The following TWF1 variants were observed in gnomAD, a reference collection of about 807,000 sequenced individuals.
TWF1 encodes twinfilin actin binding protein 1, also known as twinfilin-1.
In TWF1, 14 loss-of-function variants were observed where a neutral mutation model predicts 47.9. That is an observed-to-expected ratio of 0.29 (90% CI 0.19 to 0.46). The LOEUF (loss-of-function observed/expected upper bound fraction) is 0.46. Ranked by LOEUF, TWF1 falls within the 20% of genes least tolerant of loss-of-function variation. TWF1 has a pLI of 1.00. For missense variants in TWF1, 281 were observed against 409.3 expected, an observed-to-expected ratio of 0.69 and a Z score of 2.70; for synonymous variants, 96 against 139.2, an observed-to-expected ratio of 0.69 and a Z score of 2.18.
At position 43,795,160 on chromosome 12, in the gene TWF1, C is replaced by G. The variant is rs1346343264; in HGVS notation, c.*425G>C. On this transcript the variant is annotated 3_prime_UTR_variant, in exon 9 of 9. Transcript: ENST00000395510. Reference sequence around the variant, plus strand: ...AACTTGCGGCCTTTTCCAAGGCACACTAAGTTTCCAGCTTAGAAAATACTC... The same window carrying G: ...AACTTGCGGCCTTTTCCAAGGCACAGTAAGTTTCCAGCTTAGAAAATACTC... 1 of 154,252 alleles carries G rather than the reference C, an allele frequency of 6.5e-6. No individual in the cohort carries two copies. Among genetic ancestry groups the G allele is most frequent in the African/African-American group, 2.4e-5 (1 of 41,598 alleles). 9.6% of individuals were successfully genotyped at this position (154,252 alleles called of 1,614,324 possible).
At position 43,806,292 on chromosome 12, in the gene TWF1, G is replaced by T; in HGVS notation, c.-47C>A. ...GCTCCGGCGCTGAGTGCAGCCAGCG[G>T]CCCCGGCCGGCGGCCCCAGGAAGTG... On this transcript the variant is annotated 5_prime_UTR_variant, in exon 1 of 9. Transcript: ENST00000395510. The T allele has an allele frequency of 6.9e-7, 1 of 1,442,138 alleles. No individual in the cohort carries two copies. The allele number at this position is 1,442,138 out of a possible 1,614,324, so 89.3% of individuals were successfully genotyped here.
At chr12:43,804,629 A>G (rs980103748) in intron 1 of TWF1, 57 bp from the exon 2 acceptor site, 71 of 1,222,172 alleles carry the variant, frequency 5.8e-5, no homozygotes, top group Non-Finnish European at 7.9e-5. Flanking sequence ...ATACTTTCCT[A>G]TCTATATTGG....
chr12:43,796,203 G>A (rs1942547564), intron 8 of TWF1, among the ~76,000 whole-genome samples: 1 of 152,092 alleles, frequency 6.6e-6, no homozygotes, highest in Admixed American at 6.6e-5. Context: ...AAGAATATAT[G>A]ACAGAGATTA....
Position 43,795,497 on chromosome 12 carries a change from T to C in TWF1, c.*88A>G. 1 of 1,347,906 alleles carries C rather than the reference T, an allele frequency of 7.4e-7. No individual in the cohort carries two copies. Among genetic ancestry groups the C allele is most frequent in the South Asian group, 1.5e-5 (1 of 66,222 alleles). 83.5% of individuals were successfully genotyped at this position (1,347,906 alleles called of 1,614,324 possible). ...CAAAAAGTACAATTTTTTTCCCTAC[T>C]TTATATCAACATGGAATGATTTCAG... On this transcript the variant is annotated 3_prime_UTR_variant, in exon 9 of 9. Coordinates refer to ENST00000395510, the MANE Select transcript of TWF1 (RefSeq NM_002822.5).
chr12:43,805,479 G>A, intron 1 of TWF1: 1 of 451,820 alleles, frequency 2.2e-6, no homozygotes, highest in Non-Finnish European at 4.5e-6. Context: ...AAGTGATCGC[G>A]AGTAACCCGG....
At chr12:43,804,154 A>T (rs1347065330) in intron 2 of TWF1, 3 of 333,070 alleles carry the variant, frequency 9.0e-6, no homozygotes, top group Admixed American at 3.8e-5. Flanking sequence ...ACAAGTAACT[A>T]TTTTTTTTTT....
Position 43,796,981 on chromosome 12 carries a change from T to G in TWF1, c.877A>C (p.Arg293=). The G allele has an allele frequency of 6.2e-7, 1 of 1,607,440 alleles. No homozygotes were observed. The highest frequency in any genetic ancestry group is 8.5e-7 in the Non-Finnish European group (1 of 1,178,602). ...TTTTAAAATAGGTGGGCTACCTTTC[T>G]AATTACATCCATTTGTAGTTGTCTT... ...VERQLQMDVI[R]KIEIDNGDEL... The change falls in exon 8 of 9, where the codon AGA becomes CGA. Residue 293 remains arginine (R), a synonymous_variant. Transcript: ENST00000395510.
intron 1 of TWF1, among the ~76,000 whole-genome samples, chr12:43,805,347 G>C (rs1197818357): frequency 6.6e-6 from 1 of 152,162 alleles, no homozygotes; most frequent in Non-Finnish European, 1.5e-5. Context: ...TTCTGCGTGC[G>C]TGCAGGGGGA....
intron 1 of TWF1, chr12:43,805,708 G>T: frequency 2.1e-6 from 2 of 958,640 alleles, no homozygotes; most frequent in Non-Finnish European, 3.0e-6. Context: ...TTCCTATTTG[G>T]AGAGAAAATG....
At chr12:43,796,277 C>CT (rs1565698610) in intron 8 of TWF1, among the ~76,000 whole-genome samples, 1 of 152,078 alleles carries the variant, frequency 6.6e-6, no homozygotes, top group East Asian at 1.9e-4. Context: ...CTGATCCCTG[C>CT]TATAGAAGGT....
chr12:43,804,263 G>C (rs1162096677), intron 2 of TWF1: 2 of 518,398 alleles, frequency 3.9e-6, no homozygotes, highest in Non-Finnish European at 7.3e-6. Context: ...AAGTAAAAGA[G>C]GAAGAAGTCA....
chr12:43,795,509 T>C lies in TWF1; in HGVS notation c.*76A>G, dbSNP rs1306807968. 2 of 1,419,616 alleles carry C rather than the reference T, an allele frequency of 1.4e-6. No homozygotes were observed. Among genetic ancestry groups the C allele is most frequent in the African/African-American group, 1.4e-5 (1 of 69,970 alleles). 87.9% of individuals were successfully genotyped at this position (1,419,616 alleles called of 1,614,324 possible). The stretch of plus-strand genomic sequence containing the variant: ...TTTTTTTCCCTACTTTATATCAACA[T>C]GGAATGATTTCAGTTCTCCTGTACT... On this transcript the variant is annotated 3_prime_UTR_variant, in exon 9 of 9. Transcript: ENST00000395510.
chr12:43,806,100 C>A, intron 1 of TWF1, 121 bp downstream of exon 1: 3 of 1,521,798 alleles, frequency 2.0e-6, no homozygotes, highest in Non-Finnish European at 2.6e-6. Context: ...CCCGGCTCGC[C>A]CCGCGAGACC....
Position 43,794,674 on chromosome 12 carries a change from G to A in TWF1, c.*911C>T, listed in dbSNP as rs1942518374. On this transcript the variant is annotated 3_prime_UTR_variant, in exon 9 of 9. Coordinates refer to ENST00000395510, the MANE Select transcript of TWF1 (RefSeq NM_002822.5). ...TGTGTTTTGAAATACAGTATTAACT[G>A]AGATTATTAAGGTGTTTATCTACGT... 4 of 151,570 alleles carry A rather than the reference G, an allele frequency of 2.6e-5. No homozygotes were observed. The Middle Eastern group carries it at 0.014, about 519-fold the overall frequency. The allele number at this position is 151,570 out of a possible 1,614,324, so 9.4% of individuals were successfully genotyped here. A position where few individuals can be genotyped will look rare whatever the true frequency, so the allele number is the denominator to read the frequency against.
rs1481572875 is a variant in TWF1, at chr12:43,799,504, T to G, written c.379-2A>C. The G allele has an allele frequency of 6.4e-7, 1 of 1,563,230 alleles. No individual in the cohort carries two copies. Among genetic ancestry groups the G allele is most frequent in the African/African-American group, 1.4e-5 (1 of 73,782 alleles). ...ATATCCATGTAATGATACATCTTCC[T>G]GTAAGTACAGAATAGACTATAATCA... On this transcript the variant is annotated splice_acceptor_variant, in intron 4 of 8. Coordinates refer to ENST00000395510, the MANE Select transcript of TWF1 (RefSeq NM_002822.5). LOFTEE classifies it high-confidence loss of function.
chr12:43,799,045 A>G (rs1304318440), intron 5 of TWF1, among the ~76,000 whole-genome samples: 1 of 152,084 alleles, frequency 6.6e-6, no homozygotes, highest in African/African-American at 2.4e-5. Context: ...AATCTGCTTC[A>G]GGCAACCTTA....
chr12:43,795,774 G>A lies in TWF1; in HGVS notation c.883-19C>T. The A allele has an allele frequency of 1.2e-6, 2 of 1,610,590 alleles. No homozygotes were observed. The highest frequency in any genetic ancestry group is 2.2e-5 in the South Asian group (2 of 90,912). Reference sequence around the variant, plus strand: ...TCTCGATCTGTAAAAGATAAAATTAGAAGCACAACATTCAAAACCTAATAC... The same window carrying A: ...TCTCGATCTGTAAAAGATAAAATTAAAAGCACAACATTCAAAACCTAATAC... On this transcript the variant is annotated intron_variant, in intron 8 of 8. Coordinates refer to ENST00000395510, the MANE Select transcript of TWF1 (RefSeq NM_002822.5).
intron 2 of TWF1, chr12:43,804,165 T>G (rs1942713317): frequency 5.1e-6 from 2 of 388,790 alleles, no homozygotes; most frequent in African/African-American, 4.2e-5. Flanking sequence ...TTTTTTTTTT[T>G]TGATAATCAC....
At position 43,793,860 on chromosome 12, in the gene TWF1, C is replaced by T. The variant is rs1298516199; in HGVS notation, c.*1725G>A. 6.6e-6 allele frequency: 1 copy of T among 152,594 alleles called. No individual in the cohort carries two copies. Among genetic ancestry groups the T allele is most frequent in the Admixed American group, 6.5e-5 (1 of 15,278 alleles). The allele number at this position is 152,594 out of a possible 1,614,324, so 9.5% of individuals were successfully genotyped here. On this transcript the variant is annotated 3_prime_UTR_variant, in exon 9 of 9. Coordinates refer to ENST00000395510, the MANE Select transcript of TWF1 (RefSeq NM_002822.5). Reference sequence around the variant, plus strand: ...CTAGGTATGATACTGCCAACTAAAACATACTGTAAACGATGAGTTATACTC... The same window carrying T: ...CTAGGTATGATACTGCCAACTAAAATATACTGTAAACGATGAGTTATACTC...
Sources: gnomAD v4.1 joint callset for allele counts (sites outside exome capture counted in the v4.1 genomes callset) on GRCh38, gnomAD v4.1.1 for gene constraint, MANE v1.5 for transcripts, NCBI Gene and HGNC (gene_info 2026-07-23, HGNC 2026-07-21) for gene names.